The following ATG14 variants were observed in gnomAD, a reference collection of about 807,000 sequenced individuals.
ATG14 encodes beclin 1-associated autophagy-related key regulator.
Under a neutral mutation model 60.4 loss-of-function variants are expected in ATG14, and 35 were observed. The observed-to-expected ratio is 0.58, with a 90% CI of 0.44 to 0.77. The LOEUF (loss-of-function observed/expected upper bound fraction) is 0.77, where lower values mean the gene tolerates loss of function less well. Among genes scored for constraint, ATG14 ranks in the 30% least tolerant of loss-of-function variants. ATG14 has a pLI of 0.00. For missense variants in ATG14, 647 were observed against 626.3 expected, an observed-to-expected ratio of 1.03 and a Z score of -0.35; for synonymous variants, 234 against 228.8, an observed-to-expected ratio of 1.02 and a Z score of -0.21.
chr14:55,382,073 T>G lies in ATG14; in HGVS notation c.766A>C (p.Asn256His), dbSNP rs1420356278. 6.2e-7 allele frequency: 1 copy of G among 1,614,194 alleles called. No homozygotes were observed. Among genetic ancestry groups the G allele is most frequent in the Non-Finnish European group, 8.5e-7 (1 of 1,180,024 alleles). ...GTAATGCTAATGCTGGTGTCTCCGT[T>G]GTGATCGTCACAGACCCATCGTCCT... The part of the protein sequence containing the change: ...LSGRWVCDDH[N>H]GDTSISITGP... The change falls in exon 6 of 10, where the codon AAC becomes CAC. Residue 256 changes from asparagine to histidine, a missense_variant. Asn to His is a moderately conservative substitution (Grantham distance 68, BLOSUM62 1). Coordinates refer to ENST00000247178, the MANE Select transcript of ATG14 (RefSeq NM_014924.5).
chr14:55,402,706 G>A (rs1458294094), intron 1 of ATG14, among the ~76,000 whole-genome samples: 2 of 150,600 alleles, frequency 1.3e-5, no homozygotes, highest in East Asian at 1.9e-4. Context: ...TTTAGGATAT[G>A]AGAAAGCATA....
rs1428453809 is a variant in ATG14 at position 55,367,614 on chromosome 14, G to C, written c.*2005C>G. The C allele has an allele frequency of 1.3e-5, 2 of 152,176 alleles. No homozygotes were observed. Among genetic ancestry groups the C allele is most frequent in the Admixed American group, 6.5e-5 (1 of 15,272 alleles). 9.4% of individuals were successfully genotyped at this position (152,176 alleles called of 1,614,324 possible). A position where few individuals can be genotyped will look rare whatever the true frequency, so the allele number is the denominator to read the frequency against. ...CAAAAATTAGCTGGGCATGATGGCA[G>C]GTGCCTATAATCCCAGCTACTCGGG... On this transcript the variant is annotated 3_prime_UTR_variant, in exon 10 of 10. Transcript: ENST00000247178.
chr14:55,390,990 T>C lies in ATG14; in HGVS notation c.330A>G (p.Arg110=), dbSNP rs1168295673. 1 of 1,602,226 alleles carries C rather than the reference T, an allele frequency of 6.2e-7. No homozygotes were observed. Among genetic ancestry groups the C allele is most frequent in the Non-Finnish European group, 8.5e-7 (1 of 1,173,028 alleles). Residue 110 remains arginine, a splice_region_variant and synonymous_variant, in exon 4 of 10, where the codon AGA becomes AGG. Transcript: ENST00000247178. ...MEGKWITDQL[R]WKIMSCKMRI... is the part of the protein sequence containing the mutation. ...TCATCTTGCAGGACATTATTTTCCA[T>C]CTCTGAAAAAAGCATGTAATAAATA... is the stretch of plus-strand genomic sequence containing the variant.
chr14:55,402,970 A>ATATATAT (rs1566585833), intron 1 of ATG14, among the ~76,000 whole-genome samples: 72 of 69,428 alleles, frequency 1.0e-3, no homozygotes, highest in Middle Eastern at 8.1e-3. Flanking sequence ...TATATATATA[A>ATATATAT]ATAGCTGGGC....
chr14:55,388,925 A>T (rs1166825652), intron 4 of ATG14, among the ~76,000 whole-genome samples: 1 of 152,214 alleles, frequency 6.6e-6, no homozygotes, highest in African/African-American at 2.4e-5. Context: ...GGAGGACAGA[A>T]ATACAGAGTA....
At chr14:55,383,566 A>C (rs1178683849) in intron 5 of ATG14, among the ~76,000 whole-genome samples, 2 of 151,792 alleles carry the variant, frequency 1.3e-5, no homozygotes, top group Non-Finnish European at 2.9e-5. Flanking sequence ...AACACAAAAA[A>C]ACAAAACAAC....
intron 3 of ATG14, among the ~76,000 whole-genome samples, chr14:55,395,551 T>C (rs963906812): frequency 6.6e-6 from 1 of 152,238 alleles, no homozygotes; most frequent in African/African-American, 2.4e-5. Flanking sequence ...TCTGTCAAAA[T>C]GCTTTCCTCT....
chr14:55,392,648 CAAAAA>C (rs1197794000), intron 3 of ATG14, among the ~76,000 whole-genome samples: 3 of 51,890 alleles, frequency 5.8e-5, no homozygotes, highest in Admixed American at 1.9e-4. Flanking sequence ...GACTCCACCT[CAAAAA>C]AAAAAAAAAA....
chr14:55,369,275 T>A lies in ATG14; in HGVS notation c.*344A>T, dbSNP rs562377677. 7.3e-5 allele frequency: 13 copies of A among 178,210 alleles called. No homozygotes were observed. The highest frequency in any genetic ancestry group is 1.4e-4 in the Non-Finnish European group (12 of 88,782). The allele number at this position is 178,210 out of a possible 1,614,324, so 11.0% of individuals were successfully genotyped here. On this transcript the variant is annotated 3_prime_UTR_variant, in exon 10 of 10. Transcript: ENST00000247178. ...CTCAGCACCGCAAGGACCAGCACAC[T>A]GACCCATATCTGTGGGCCCGGTGGC...
chr14:55,378,637 C>T (rs1884967497), intron 7 of ATG14, among the ~76,000 whole-genome samples: 1 of 152,076 alleles, frequency 6.6e-6, no homozygotes, highest in Non-Finnish European at 1.5e-5. Flanking sequence ...CTCAGTTCCC[C>T]TATGATCACA....
intron 7 of ATG14, 114 bp downstream of exon 7, chr14:55,380,459 C>T: frequency 1.4e-6 from 1 of 693,318 alleles, no homozygotes. Context: ...ATCCGACCTT[C>T]TCTGTCTTGG....
intron 1 of ATG14, among the ~76,000 whole-genome samples, chr14:55,406,326 G>A (rs1885490229): frequency 6.6e-6 from 1 of 152,144 alleles, no homozygotes; most frequent in African/African-American, 2.4e-5. Context: ...CTGAAAATCA[G>A]AGGTTAAACA....
In ATG14 at chr14:55,399,788, G is replaced by A. The variant is rs114514634; in HGVS notation, c.222-2354C>T. Among the ~76,000 whole-genome samples, 327 of 152,316 alleles carry A rather than the reference G, an allele frequency of 2.1e-3. 2 individuals are homozygous for A. Among genetic ancestry groups the A allele is most frequent in the African/African-American group, 7.5e-3 (312 of 41,572 alleles). On this transcript the variant is annotated intron_variant, in intron 1 of 9. Coordinates refer to ENST00000247178, the MANE Select transcript of ATG14 (RefSeq NM_014924.5). ...CAGGGAAAATCAAATCTTGACTTCA[G>A]AGGCCATAAAAGTTCTCCTTTGAGG...
chr14:55,372,013 CT>C (rs1384383786), intron 9 of ATG14, among the ~76,000 whole-genome samples: 1 of 152,104 alleles, frequency 6.6e-6, no homozygotes, highest in Non-Finnish European at 1.5e-5. Flanking sequence ...CACTTCATTT[CT>C]TTTCTCCCCT....
chr14:55,383,570 A>AAAC lies in ATG14; in HGVS notation c.648-1382_648-1380dup, dbSNP rs796925211. Among the ~76,000 whole-genome samples, 76 of 151,726 alleles carry AAAC rather than the reference A, an allele frequency of 5.0e-4. No individual in the cohort carries two copies. The South Asian group carries it at 5.0e-3, about 10-fold the overall frequency. ...CATCTCAAAAAAACACAAAAAAACAAAACAACAACAACAACAACAAAAAAA... is the reference window on the plus strand; with the variant it reads ...CATCTCAAAAAAACACAAAAAAACAAAACAACAACAACAACAACAACAAAAAAA... On this transcript the variant is annotated intron_variant, in intron 5 of 9. Coordinates refer to ENST00000247178, the MANE Select transcript of ATG14 (RefSeq NM_014924.5).
Position 55,369,472 on chromosome 14 carries a change from G to T in ATG14, c.*147C>A. The stretch of plus-strand genomic sequence containing the variant: ...GGCCACTTGGCAAATAGAAATGTTT[G>T]TCTCCCTGCTTAAAAAGACAAAACA... On this transcript the variant is annotated 3_prime_UTR_variant, in exon 10 of 10. Transcript: ENST00000247178. 1 of 746,276 alleles carries T rather than the reference G, an allele frequency of 1.3e-6. No individual in the cohort carries two copies. Among genetic ancestry groups the T allele is most frequent in the Non-Finnish European group, 2.0e-6 (1 of 502,486 alleles). 46.2% of individuals were successfully genotyped at this position (746,276 alleles called of 1,614,324 possible). A position where few individuals can be genotyped will look rare whatever the true frequency, so the allele number is the denominator to read the frequency against.
chr14:55,397,289 A>G (rs563097009), intron 2 of ATG14, 83 bp downstream of exon 2: 75 of 1,162,694 alleles, frequency 6.5e-5, no homozygotes, highest in East Asian at 7.1e-5. Flanking sequence ...AGCAATCCGT[A>G]TATCTGCATA....
At position 55,389,829 on chromosome 14, in the gene ATG14, C is replaced by A. The variant is rs574880816; in HGVS notation, c.409+1082G>T. Reference sequence around the variant, plus strand: ...GGATTAGAAACGAGTATTCTTGGGGCAAATGGGAAGTGGCTTAAGGATGTA... The same window carrying A: ...GGATTAGAAACGAGTATTCTTGGGGAAAATGGGAAGTGGCTTAAGGATGTA... On this transcript the variant is annotated intron_variant, in intron 4 of 9. Coordinates refer to ENST00000247178, the MANE Select transcript of ATG14 (RefSeq NM_014924.5). 9.2e-5 allele frequency among the ~76,000 whole-genome samples: 14 copies of A among 152,136 alleles called. No individual in the cohort carries two copies. The East Asian group carries it at 2.5e-3, about 27-fold the overall frequency.
intron 5 of ATG14, among the ~76,000 whole-genome samples, chr14:55,384,119 A>C (rs1885083129): frequency 1.3e-5 from 2 of 152,226 alleles, no homozygotes; most frequent in Admixed American, 1.3e-4. Context: ...AGAGAAAGGC[A>C]AACAAGAAAC....
Sources: allele counts gnomAD v4.1 joint callset (sites outside exome capture counted in the v4.1 genomes callset), GRCh38; gene constraint gnomAD v4.1.1; transcripts MANE v1.5; gene names NCBI Gene and HGNC (gene_info 2026-07-23, HGNC 2026-07-21).